The following SPOCK1 variants were observed in gnomAD, a reference collection of about 807,000 sequenced individuals.
SPOCK1 encodes SPARC (osteonectin), cwcv and kazal like domains proteoglycan 1, also known as testican-1.
A neutral mutation model predicts 55.3 loss-of-function variants in SPOCK1; 23 were observed. That is an observed-to-expected ratio of 0.42 (90% CI 0.30 to 0.59). SPOCK1 has a LOEUF of 0.59. Ranked by LOEUF, SPOCK1 falls within the 20% of genes least tolerant of loss-of-function variation. The pLI, the probability that SPOCK1 is intolerant of heterozygous loss-of-function variation, is 0.22. For synonymous variants in SPOCK1, 226 were observed against 221.0 expected, an observed-to-expected ratio of 1.02 and a Z score of -0.20; for missense variants, 499 against 552.5, an observed-to-expected ratio of 0.90 and a Z score of 0.97.
intron 5 of SPOCK1, among the ~76,000 whole-genome samples, chr5:137,087,210 G>T (rs1752975729): frequency 6.6e-6 from 1 of 152,154 alleles, no homozygotes; most frequent in Admixed American, 6.5e-5. Context: ...GCAGGGAGGT[G>T]TCACTAGGTG....
chr5:137,128,606 G>C (rs1383243782), intron 4 of SPOCK1, among the ~76,000 whole-genome samples: 1 of 152,256 alleles, frequency 6.6e-6, no homozygotes, highest in Non-Finnish European at 1.5e-5. Flanking sequence ...TGAGGGCAGA[G>C]TGGCTCTTAC....
At chr5:137,277,140 A>T (rs1203290987) in intron 2 of SPOCK1, among the ~76,000 whole-genome samples, 3 of 152,082 alleles carry the variant, frequency 2.0e-5, no homozygotes, top group Non-Finnish European at 4.4e-5. Context: ...TCATCCTCCC[A>T]AGTAGTTAAG....
At chr5:137,028,838 G>A (rs1163107234) in intron 6 of SPOCK1, among the ~76,000 whole-genome samples, 1 of 152,082 alleles carries the variant, frequency 6.6e-6, no homozygotes, top group Admixed American at 6.6e-5. Context: ...GAAAAAAGTG[G>A]TCATTATAGA....
chr5:137,067,136 A>G (rs983242611), intron 6 of SPOCK1, among the ~76,000 whole-genome samples: 1 of 152,214 alleles, frequency 6.6e-6, no homozygotes, highest in East Asian at 1.9e-4. Flanking sequence ...CCAGTGGGAC[A>G]ACATTACTTT....
At chr5:137,329,243 T>C (rs1758129454) in intron 2 of SPOCK1, among the ~76,000 whole-genome samples, 1 of 152,114 alleles carries the variant, frequency 6.6e-6, no homozygotes, top group Non-Finnish European at 1.5e-5. Flanking sequence ...AAAAATAGGC[T>C]CTTTTTGGGC....
At chr5:137,417,190 G>A (rs1752352833) in intron 2 of SPOCK1, among the ~76,000 whole-genome samples, 1 of 151,942 alleles carries the variant, frequency 6.6e-6, no homozygotes, top group African/African-American at 2.4e-5. Flanking sequence ...CGTTAATGAA[G>A]TTCAGTTTTT....
intron 2 of SPOCK1, among the ~76,000 whole-genome samples, chr5:137,343,488 C>A (rs951882493): frequency 6.6e-6 from 1 of 152,190 alleles, no homozygotes; most frequent in Non-Finnish European, 1.5e-5. Flanking sequence ...TTCCCCAGGG[C>A]TGTACAGAGG....
intron 6 of SPOCK1, among the ~76,000 whole-genome samples, chr5:137,003,080 T>C (rs1751180556): frequency 6.6e-6 from 1 of 152,218 alleles, no homozygotes. Context: ...TCAAATTATA[T>C]ATACCATTTC....
At chr5:137,008,175 A>C (rs1410058345) in intron 6 of SPOCK1, among the ~76,000 whole-genome samples, 3 of 151,962 alleles carry the variant, frequency 2.0e-5, no homozygotes, top group Non-Finnish European at 4.4e-5. Context: ...GCATTAGGAG[A>C]AATACCTAAT....
intron 3 of SPOCK1, among the ~76,000 whole-genome samples, chr5:137,172,722 G>A (rs554413313): frequency 6.6e-6 from 1 of 152,078 alleles, no homozygotes; most frequent in South Asian, 2.1e-4. Flanking sequence ...TTACCCCAGG[G>A]ACACCCAATC....
chr5:137,068,939 G>A (rs560883451), intron 5 of SPOCK1, among the ~76,000 whole-genome samples: 1 of 152,296 alleles, frequency 6.6e-6, no homozygotes, highest in East Asian at 1.9e-4. Flanking sequence ...CATATCTGGT[G>A]GAGGTTCAAA....
intron 6 of SPOCK1, among the ~76,000 whole-genome samples, chr5:137,026,304 C>T (rs1751673073): frequency 6.6e-6 from 1 of 152,200 alleles, no homozygotes; most frequent in East Asian, 1.9e-4. Flanking sequence ...AAACATTATT[C>T]TAGATGTTTC....
At chr5:137,003,824 T>C (rs1261406447) in intron 6 of SPOCK1, among the ~76,000 whole-genome samples, 2 of 152,314 alleles carry the variant, frequency 1.3e-5, no homozygotes, top group East Asian at 3.9e-4. Flanking sequence ...GGACCAAGCC[T>C]GGGATTTGAG....
chr5:137,415,614 A>T (rs1752312128), intron 2 of SPOCK1, among the ~76,000 whole-genome samples: 1 of 152,224 alleles, frequency 6.6e-6, no homozygotes, highest in Admixed American at 6.5e-5. Flanking sequence ...CAGAAGCGTG[A>T]TTCCAATAAG....
intron 3 of SPOCK1, among the ~76,000 whole-genome samples, chr5:137,192,232 CAAAA>C (rs60401497): frequency 1.2e-3 from 83 of 68,268 alleles, no homozygotes; most frequent in African/African-American, 4.0e-3. Flanking sequence ...GACTCTGTCT[CAAAA>C]AAAAAAAAAA....
intron 3 of SPOCK1, among the ~76,000 whole-genome samples, chr5:137,166,888 G>T (rs1246464188): frequency 6.6e-6 from 1 of 152,022 alleles, no homozygotes; most frequent in Non-Finnish European, 1.5e-5. Context: ...AGACAGAAAG[G>T]AAGGAAAGAA....
Position 136,983,619 on chromosome 5 carries a change from C to CAAAAAAAA in SPOCK1, c.991+1513_991+1520dup, listed in dbSNP as rs11364379. ...GTAGAGAGCTGGCTCCTCCTTGGAC[C>CAAAAAAAA]AAAAAAAAAAAAAAAATGGGCTGAG... is the stretch of plus-strand genomic sequence containing the variant. On this transcript the variant is annotated intron_variant, in intron 9 of 10. Coordinates refer to ENST00000394945, the MANE Select transcript of SPOCK1 (RefSeq NM_004598.4). Among the ~76,000 whole-genome samples, 405 of 135,306 alleles carry CAAAAAAAA rather than the reference C, an allele frequency of 3.0e-3. 11 individuals are homozygous for CAAAAAAAA. Among genetic ancestry groups the CAAAAAAAA allele is most frequent in the Non-Finnish European group, 3.1e-3 (191 of 62,312 alleles). 88.8% of individuals were successfully genotyped at this position (135,306 alleles called of 152,430 possible).
intron 2 of SPOCK1, among the ~76,000 whole-genome samples, chr5:137,368,054 T>C (rs1751115349): frequency 1.3e-5 from 2 of 152,170 alleles, no homozygotes; most frequent in African/African-American, 4.8e-5. Flanking sequence ...TTCAAAGCAG[T>C]TTCCATTAGA....
chr5:137,465,619 G>T (rs1184243552), intron 2 of SPOCK1, among the ~76,000 whole-genome samples: 1 of 151,658 alleles, frequency 6.6e-6, no homozygotes, highest in Non-Finnish European at 1.5e-5. Context: ...ACACACTCAA[G>T]ACACATTTCA....
Sources: gnomAD v4.1 joint callset for allele counts (sites outside exome capture counted in the v4.1 genomes callset) on GRCh38, gnomAD v4.1.1 for gene constraint, MANE v1.5 for transcripts, NCBI Gene and HGNC (gene_info 2026-07-23, HGNC 2026-07-21) for gene names.